The following VSTM2B variants were observed in gnomAD, a reference collection of about 807,000 sequenced individuals.
VSTM2B encodes the protein V-set and transmembrane domain containing 2B, also known as V-set and transmembrane domain-containing protein 2B.
In VSTM2B, 24 loss-of-function variants were observed where a neutral mutation model predicts 24.0. The ratio of observed to expected loss-of-function variants is 1.00; its 90% CI spans 0.72 to 1.40. The LOEUF is 1.40. VSTM2B is among the 40% of genes most tolerant of loss of function. VSTM2B has a pLI of 0.00. For missense variants in VSTM2B, 399 were observed against 416.4 expected (o/e 0.96, Z 0.36); for synonymous variants, 226 against 194.4 (o/e 1.16, Z -1.35).
Position 29,530,310 on chromosome 19 carries a change from G to T in VSTM2B, c.769+20G>T, listed in dbSNP as rs1389152427. 6.8e-7 allele frequency: 1 copy of T among 1,479,708 alleles called. No homozygotes were observed. Among genetic ancestry groups the T allele is most frequent in the South Asian group, 1.3e-5 (1 of 78,388 alleles). The allele number at this position is 1,479,708 out of a possible 1,614,324, so 91.7% of individuals were successfully genotyped here. A position where few individuals can be genotyped will look rare whatever the true frequency, so the allele number is the denominator to read the frequency against. ...GCTCGGGTAAGGGATCGCGGAGAGG[G>T]GGCGCACGCGCGGGGATGGCGCAGG... On this transcript the variant is annotated intron_variant, in intron 4 of 4. Coordinates refer to ENST00000335523, the MANE Select transcript of VSTM2B (RefSeq NM_001146339.2).
At chr19:29,563,528 C>T (rs1022482467) in intron 4 of VSTM2B, among the ~76,000 whole-genome samples, 1 of 152,170 alleles carries the variant, frequency 6.6e-6, no homozygotes, top group Non-Finnish European at 1.5e-5. Context: ...CAGGCATAAT[C>T]AACCACACCC....
rs1290882728 is a variant in VSTM2B, at chr19:29,530,041, C to T, written c.520C>T (p.His174Tyr). 2 of 1,526,580 alleles carry T rather than the reference C, an allele frequency of 1.3e-6. No homozygotes were observed. Among genetic ancestry groups the T allele is most frequent in the Admixed American group, 2.0e-5 (1 of 50,234 alleles). The allele number at this position is 1,526,580 out of a possible 1,614,324, so 94.6% of individuals were successfully genotyped here. ...CATCCAGAGCAGCGGCCCGCGTCGCCACGGCCCAGCCAGCGCCGCCAACGC... is the reference window on the plus strand; with the variant it reads ...CATCCAGAGCAGCGGCCCGCGTCGCTACGGCCCAGCCAGCGCCGCCAACGC... The part of the protein sequence containing the change: ...SHIQSSGPRR[H>Y]GPASAANANN... The change falls in exon 4 of 5, where the codon CAC becomes TAC. Residue 174 changes from histidine (H) to tyrosine (Y), a missense_variant. His to Tyr is a moderately conservative substitution (Grantham distance 83). Transcript: ENST00000335523.
chr19:29,529,572 C>A (rs1969678586), intron 3 of VSTM2B, among the ~76,000 whole-genome samples: 1 of 152,118 alleles, frequency 6.6e-6, no homozygotes, highest in African/African-American at 2.4e-5. Flanking sequence ...GCAAGGTGGG[C>A]GTTTGGTTAA....
chr19:29,559,308 G>T (rs1218104877), intron 4 of VSTM2B, among the ~76,000 whole-genome samples: 1 of 152,228 alleles, frequency 6.6e-6, no homozygotes, highest in East Asian at 1.9e-4. Flanking sequence ...CATGTCCTTT[G>T]CAGGGACATG....
intron 4 of VSTM2B, among the ~76,000 whole-genome samples, chr19:29,540,451 GC>G (rs1717557625): frequency 6.6e-6 from 1 of 152,232 alleles, no homozygotes; most frequent in Non-Finnish European, 1.5e-5. Flanking sequence ...TGATCCTGCA[GC>G]CAAAGGAGTT....
chr19:29,550,947 G>A (rs972863516), intron 4 of VSTM2B, among the ~76,000 whole-genome samples: 6 of 152,196 alleles, frequency 3.9e-5, no homozygotes, highest in Admixed American at 1.3e-4. Context: ...CAGCCCCAGT[G>A]GAGAGGGCTG....
intron 4 of VSTM2B, among the ~76,000 whole-genome samples, chr19:29,535,695 A>C (rs1010147903): frequency 3.9e-5 from 6 of 152,134 alleles, no homozygotes; most frequent in African/African-American, 1.4e-4. Context: ...CAGTCACTAC[A>C]TCTCGACCCA....
At position 29,530,187 on chromosome 19, in the gene VSTM2B, G is replaced by C. The variant is rs115230064; in HGVS notation, c.666G>C (p.Ser222=). 0.013 allele frequency: 19,363 copies of C among 1,490,768 alleles called. 686 individuals carry two copies. Among genetic ancestry groups the C allele is most frequent in the African/African-American group, 0.11 (7,518 of 68,646 alleles). The allele number at this position is 1,490,768 out of a possible 1,614,324, so 92.3% of individuals were successfully genotyped here. The change falls in exon 4 of 5, where the codon TCG becomes TCC. Residue 222 remains serine, a synonymous_variant. Coordinates refer to ENST00000335523, the MANE Select transcript of VSTM2B (RefSeq NM_001146339.2). The part of the protein sequence containing the change: ...DPAVPEAAAA[S]AAHTPTTTVA... The stretch of plus-strand genomic sequence containing the variant: ...CAGTCCCCGAGGCCGCGGCAGCCTC[G>C]GCGGCCCACACGCCCACCACCACAG...
chr19:29,555,956 T>C, intron 4 of VSTM2B, among the ~76,000 whole-genome samples: 1 of 152,122 alleles, frequency 6.6e-6, no homozygotes, highest in Admixed American at 6.6e-5. Flanking sequence ...CAGATGGATT[T>C]ACAGCTGAAT....
chr19:29,550,187 A>G (rs189570479), intron 4 of VSTM2B, among the ~76,000 whole-genome samples: 14 of 152,296 alleles, frequency 9.2e-5, no homozygotes, highest in Non-Finnish European at 4.4e-5. Flanking sequence ...TAATCCCAAC[A>G]CTTTGGGAGG....
At chr19:29,547,237 C>T (rs1291140708) in intron 4 of VSTM2B, among the ~76,000 whole-genome samples, 2 of 152,202 alleles carry the variant, frequency 1.3e-5, no homozygotes, top group African/African-American at 2.4e-5. Context: ...CATTGTTTTT[C>T]TGCAATTCAG....
At chr19:29,545,172 G>T (rs1162874830) in intron 4 of VSTM2B, among the ~76,000 whole-genome samples, 1 of 152,130 alleles carries the variant, frequency 6.6e-6, no homozygotes, top group Non-Finnish European at 1.5e-5. Context: ...GTCTCCGGGG[G>T]TCGGCAGGGT....
intron 4 of VSTM2B, among the ~76,000 whole-genome samples, chr19:29,536,289 A>G (rs1969887868): frequency 6.6e-6 from 1 of 152,230 alleles, no homozygotes; most frequent in South Asian, 2.1e-4. Flanking sequence ...AGCTGAGGCA[A>G]TCAGGAGAGG....
At chr19:29,551,454 T>C (rs1182705878) in intron 4 of VSTM2B, among the ~76,000 whole-genome samples, 1 of 135,084 alleles carries the variant, frequency 7.4e-6, no homozygotes, top group African/African-American at 2.8e-5. Context: ...AGTGTGCTTA[T>C]GGTGGGGTGG....
At chr19:29,556,222 C>T (rs1970404756) in intron 4 of VSTM2B, among the ~76,000 whole-genome samples, 1 of 152,144 alleles carries the variant, frequency 6.6e-6, no homozygotes, top group Non-Finnish European at 1.5e-5. Flanking sequence ...TCACCACAAT[C>T]AAGTCAGCTT....
chr19:29,540,757 T>C (rs930204942), intron 4 of VSTM2B, among the ~76,000 whole-genome samples: 3 of 152,194 alleles, frequency 2.0e-5, no homozygotes, highest in Non-Finnish European at 4.4e-5. Context: ...AATGAGGTCC[T>C]GAGAAAGTGA....
In VSTM2B at chr19:29,529,008, A is replaced by G. The variant is rs114415530; in HGVS notation, c.297+546A>G. 5.3e-3 allele frequency: 5,198 copies of G among 985,396 alleles called. 178 individuals are homozygous for G. The African/African-American group carries it at 0.077, about 15-fold the overall frequency. 61.0% of individuals were successfully genotyped at this position (985,396 alleles called of 1,614,324 possible). A position where few individuals can be genotyped will look rare whatever the true frequency, so the allele number is the denominator to read the frequency against. ...GAGGGGCCCGGGTCATGGGGTTGCT[A>G]ACTCTGGGAGGAGATGCGCCCAAGC... On this transcript the variant is annotated intron_variant, in intron 3 of 4. Transcript: ENST00000335523.
chr19:29,544,360 A>C (rs1314905043), intron 4 of VSTM2B, among the ~76,000 whole-genome samples: 2 of 151,168 alleles, frequency 1.3e-5, no homozygotes, highest in African/African-American at 4.9e-5. Context: ...CCCCGTCTCT[A>C]CTGAAAATAT....
At chr19:29,533,454 C>G (rs540601718) in intron 4 of VSTM2B, among the ~76,000 whole-genome samples, 1 of 152,210 alleles carries the variant, frequency 6.6e-6, no homozygotes, top group African/African-American at 2.4e-5. Context: ...CCTCCAGTCT[C>G]TCTCCAAGTC....
Sources: allele counts gnomAD v4.1 joint callset (sites outside exome capture counted in the v4.1 genomes callset), GRCh38; gene constraint gnomAD v4.1.1; transcripts MANE v1.5; gene names NCBI Gene and HGNC (gene_info 2026-07-23, HGNC 2026-07-21).